The following FAM227B variants were observed in gnomAD, a reference collection of about 807,000 sequenced individuals.
The protein encoded by FAM227B is family with sequence similarity 227 member B, also known as protein FAM227B.
Under a neutral mutation model 73.8 loss-of-function variants are expected in FAM227B, and 88 were observed. The observed-to-expected ratio is 1.19, with a 90% confidence interval of 1.00 to 1.42. The LOEUF is 1.42. Ranked by LOEUF, FAM227B falls within the 40% of genes most tolerant of loss-of-function variation. The pLI, the probability that FAM227B is intolerant of heterozygous loss-of-function variation, is 0.00. For missense variants in FAM227B, 632 were observed against 590.9 expected (o/e 1.07, Z -0.72); for synonymous variants, 210 against 190.5 (o/e 1.10, Z -0.84).
At chr15:49,546,632 CT>C (rs1187817996) in intron 9 of FAM227B, among the ~76,000 whole-genome samples, 1 of 152,194 alleles carries the variant, frequency 6.6e-6, no homozygotes, top group Non-Finnish European at 1.5e-5. Context: ...TGTTTCCTAA[CT>C]TTTTAATGAT....
intron 10 of FAM227B, among the ~76,000 whole-genome samples, chr15:49,540,477 C>T (rs569378524): frequency 3.9e-4 from 59 of 152,214 alleles, no homozygotes; most frequent in African/African-American, 1.4e-3. Flanking sequence ...TATTTTTGTT[C>T]ATGGGTAGCT....
chr15:49,370,986 A>G (rs2045766337), intron 12 of FAM227B, among the ~76,000 whole-genome samples: 1 of 152,208 alleles, frequency 6.6e-6, no homozygotes, highest in Non-Finnish European at 1.5e-5. Flanking sequence ...GCTTATTAAG[A>G]TCATATTCAT....
chr15:49,328,660 T>C lies in FAM227B; in HGVS notation c.1435A>G (p.Ile479Val). ...FLHKLRSEAE[I>V]ERECVASLSS... Reference sequence around the variant, plus strand: ...AGTGATGCCACACATTCTCTCTCAATTTCAGCTTCGGAACGCTATGAAAAT... The same window carrying C: ...AGTGATGCCACACATTCTCTCTCAACTTCAGCTTCGGAACGCTATGAAAAT... Residue 479 changes from isoleucine to valine, a missense_variant, in exon 16 of 16, where the codon ATT becomes GTT. By Grantham distance (29) the Ile-to-Val change is conservative. Transcript: ENST00000299338. 6.4e-7 allele frequency: 1 copy of C among 1,566,628 alleles called. No homozygotes were observed. The highest frequency in any genetic ancestry group is 1.7e-4 in the Middle Eastern group (1 of 5,994).
chr15:49,361,703 G>A (rs954804109), intron 13 of FAM227B, among the ~76,000 whole-genome samples: 2 of 152,054 alleles, frequency 1.3e-5, no homozygotes, highest in African/African-American at 4.8e-5. Flanking sequence ...GTTGCAATGA[G>A]CATACGCGTG....
chr15:49,468,358 G>A, intron 11 of FAM227B, among the ~76,000 whole-genome samples: 1 of 152,082 alleles, frequency 6.6e-6, no homozygotes, highest in East Asian at 1.9e-4. Context: ...TAATTTGAGG[G>A]GAATTATACT....
intron 13 of FAM227B, among the ~76,000 whole-genome samples, chr15:49,342,568 C>T (rs1338915073): frequency 1.3e-5 from 2 of 152,122 alleles, no homozygotes; most frequent in African/African-American, 4.8e-5. Flanking sequence ...TTGGTGCTAT[C>T]GTGAAGTTGT....
intron 3 of FAM227B, among the ~76,000 whole-genome samples, chr15:49,600,663 A>G (rs199533321): frequency 3.3e-5 from 5 of 150,948 alleles, no homozygotes; most frequent in African/African-American, 1.2e-4. Flanking sequence ...TCAAAAAAAA[A>G]AAAAAAATCC....
At chr15:49,557,325 T>C (rs996875430) in intron 9 of FAM227B, among the ~76,000 whole-genome samples, 34 of 152,202 alleles carry the variant, frequency 2.2e-4, no homozygotes, top group African/African-American at 7.7e-4. Flanking sequence ...CAAGTAAGAG[T>C]TGAAAATCCA....
chr15:49,360,322 A>G (rs1356830064), intron 13 of FAM227B, among the ~76,000 whole-genome samples: 2 of 152,130 alleles, frequency 1.3e-5, no homozygotes, highest in African/African-American at 4.8e-5. Context: ...ATGACACTGC[A>G]TTGAGTTCAG....
intron 8 of FAM227B, among the ~76,000 whole-genome samples, chr15:49,572,866 G>T (rs1046778868): frequency 4.6e-5 from 7 of 151,976 alleles, no homozygotes; most frequent in Non-Finnish European, 1.0e-4. Flanking sequence ...CTCATTTTTA[G>T]AATTCTCAAA....
chr15:49,410,926 C>A, intron 11 of FAM227B, among the ~76,000 whole-genome samples: 1 of 147,012 alleles, frequency 6.8e-6, no homozygotes, highest in African/African-American at 2.5e-5. Context: ...TTTCTAGAAA[C>A]CTGAAGCATG....
chr15:49,477,733 A>G (rs2055483043), intron 11 of FAM227B, among the ~76,000 whole-genome samples: 1 of 152,210 alleles, frequency 6.6e-6, no homozygotes, highest in African/African-American at 2.4e-5. Flanking sequence ...GAGTATGTTT[A>G]GTTTTTAAGA....
In FAM227B at chr15:49,335,459, C is replaced by T. The variant is rs142808430; in HGVS notation, c.1309G>A (p.Ala437Thr). 1 of 1,613,478 alleles carries T rather than the reference C, an allele frequency of 6.2e-7. No homozygotes were observed. The highest frequency in any genetic ancestry group is 1.7e-4 in the Middle Eastern group (1 of 6,060). ...TGGTTCCTTGCAAATTGTCTTTTTGCCTCCTTTATAACATCACGGTATGTT... is the reference window on the plus strand; with the variant it reads ...TGGTTCCTTGCAAATTGTCTTTTTGTCTCCTTTATAACATCACGGTATGTT... ...APTYRDVIKE[A>T]KRQFARNQKD... Residue 437 changes from alanine (A) to threonine (T), a missense_variant, in exon 14 of 16, where the codon GCA becomes ACA. Ala to Thr is a moderately conservative substitution (Grantham distance 58, BLOSUM62 0). Coordinates refer to ENST00000299338, the MANE Select transcript of FAM227B (RefSeq NM_152647.3).
intron 11 of FAM227B, among the ~76,000 whole-genome samples, chr15:49,464,463 T>A (rs1342888283): frequency 6.6e-6 from 1 of 152,210 alleles, no homozygotes; most frequent in Non-Finnish European, 1.5e-5. Context: ...AGTTTGTAGG[T>A]TGGGCTAACA....
intron 3 of FAM227B, among the ~76,000 whole-genome samples, chr15:49,607,556 T>C (rs2077600113): frequency 6.6e-6 from 1 of 152,184 alleles, no homozygotes; most frequent in East Asian, 1.9e-4. Context: ...TGAAAAGATG[T>C]TATAATATGT....
intron 11 of FAM227B, among the ~76,000 whole-genome samples, chr15:49,504,207 A>T (rs1248462578): frequency 1.4e-5 from 2 of 146,820 alleles, no homozygotes; most frequent in Non-Finnish European, 3.0e-5. Context: ...GTTCTCACTC[A>T]TAGGTGGGAA....
chr15:49,444,481 T>C (rs1273231135), intron 11 of FAM227B, among the ~76,000 whole-genome samples: 2 of 151,756 alleles, frequency 1.3e-5, no homozygotes, highest in Non-Finnish European at 1.5e-5. Context: ...GACAAAGAAA[T>C]AACATTGAAA....
Position 49,335,420 on chromosome 15 carries a change from T to A in FAM227B, c.1348A>T (p.Ile450Leu). ...AACAATAGTATAGCATCAACTTACA[T>A]CCTAAAATCCTTTTGGTTCCTTGCA... ...QFARNQKDFR[I>L]LQAKATKKPH... Residue 450 changes from isoleucine to leucine, a missense_variant and splice_region_variant, in exon 14 of 16, where the codon ATA becomes TTA. Ile to Leu is a conservative substitution (Grantham distance 5). Transcript: ENST00000299338. The A allele has an allele frequency of 6.3e-7, 1 of 1,597,758 alleles. No homozygotes were observed. The highest frequency in any genetic ancestry group is 8.6e-7 in the Non-Finnish European group (1 of 1,165,190).
intron 13 of FAM227B, among the ~76,000 whole-genome samples, chr15:49,348,940 G>A (rs574290227): frequency 7.2e-4 from 109 of 152,242 alleles, no homozygotes; most frequent in African/African-American, 2.3e-3. Flanking sequence ...TCTCCAGAAT[G>A]AGAATTCATA....
Sources: allele counts gnomAD v4.1 joint callset (sites outside exome capture counted in the v4.1 genomes callset), GRCh38; gene constraint gnomAD v4.1.1; transcripts MANE v1.5; gene names NCBI Gene and HGNC (gene_info 2026-07-23, HGNC 2026-07-21).